The following SAMD5 variants were observed in gnomAD, a reference collection of about 807,000 sequenced individuals.
The protein encoded by SAMD5 is sterile alpha motif domain-containing protein 5.
Under a neutral mutation model 11.3 loss-of-function variants are expected in SAMD5, and 13 were observed. The observed-to-expected ratio is 1.15, with a 90% confidence interval of 0.75 to 1.83. SAMD5 has a LOEUF of 1.83. Ranked by LOEUF, SAMD5 falls within the 40% of genes most tolerant of loss-of-function variation. The probability of loss-of-function intolerance (pLI) is 0.00; values close to 1 mark genes in which losing one functional copy is unlikely to be tolerated. For missense variants in SAMD5, 255 were observed against 239.1 expected (o/e 1.07, Z -0.44); for synonymous variants, 129 against 111.3 (o/e 1.16, Z -1.00).
At chr6:147,915,023 A>C in the SAMD5 span, among the ~76,000 whole-genome samples, 1 of 152,198 alleles carries the variant, frequency 6.6e-6, no homozygotes, top group Non-Finnish European at 1.5e-5. Flanking sequence ...ATGAGAACTA[A>C]TCTCAGTATC....
At chr6:147,819,182 A>C in the SAMD5 span, among the ~76,000 whole-genome samples, 1 of 152,244 alleles carries the variant, frequency 6.6e-6, no homozygotes, top group African/African-American at 2.4e-5. Context: ...TCTCAGGGAC[A>C]TGGATGGAGC....
intron 1 of SAMD5, among the ~76,000 whole-genome samples, chr6:147,624,968 C>T (rs755622922): frequency 5.3e-5 from 8 of 151,974 alleles, no homozygotes; most frequent in Non-Finnish European, 1.2e-4. Flanking sequence ...TTAAAACAAA[C>T]AATAAAATAA....
the SAMD5 span, among the ~76,000 whole-genome samples, chr6:147,766,274 T>A: frequency 2.6e-5 from 4 of 151,934 alleles, no homozygotes; most frequent in South Asian, 6.2e-4. Flanking sequence ...AATGAGAAAA[T>A]TATCAGACAT....
intron 1 of SAMD5, among the ~76,000 whole-genome samples, chr6:147,673,623 T>A (rs1425501584): frequency 6.6e-6 from 1 of 152,140 alleles, no homozygotes; most frequent in Non-Finnish European, 1.5e-5. Flanking sequence ...CCTGGCTTAA[T>A]AAAAGCAAGA....
At chr6:147,892,154 T>G in the SAMD5 span, among the ~76,000 whole-genome samples, 3 of 152,212 alleles carry the variant, frequency 2.0e-5, no homozygotes, top group Non-Finnish European at 4.4e-5. Context: ...CTTGCCTCCT[T>G]GTTTCCTTCT....
the SAMD5 span, among the ~76,000 whole-genome samples, chr6:147,932,611 TGTGTG>T: frequency 6.6e-6 from 1 of 150,408 alleles, no homozygotes; most frequent in African/African-American, 2.4e-5. Context: ...TGTGTGTGTG[TGTGTG>T]TGTGTGTGTG....
chr6:147,596,739 T>G (rs900973940), intron 1 of SAMD5, among the ~76,000 whole-genome samples: 1 of 152,194 alleles, frequency 6.6e-6, no homozygotes, highest in African/African-American at 2.4e-5. Flanking sequence ...TTTTTAAAAT[T>G]TACTTAACAA....
At chr6:147,787,583 A>G in the SAMD5 span, among the ~76,000 whole-genome samples, 3 of 152,162 alleles carry the variant, frequency 2.0e-5, no homozygotes, top group South Asian at 2.1e-4. Context: ...AGGTTTCTCA[A>G]TCTTGTCAGT....
chr6:147,710,361 A>G (rs575286471), intron 1 of SAMD5, among the ~76,000 whole-genome samples: 1 of 152,340 alleles, frequency 6.6e-6, no homozygotes, highest in South Asian at 2.1e-4. Context: ...TGGTCCAAAA[A>G]TATTCAATGG....
chr6:147,717,668 C>T (rs187083819), intron 1 of SAMD5, among the ~76,000 whole-genome samples: 4 of 152,176 alleles, frequency 2.6e-5, no homozygotes, highest in Non-Finnish European at 4.4e-5. Flanking sequence ...GCCAACATGG[C>T]GAAACCCTGT....
chr6:147,616,572 G>A (rs1038004655), intron 1 of SAMD5, among the ~76,000 whole-genome samples: 9 of 152,028 alleles, frequency 5.9e-5, no homozygotes, highest in African/African-American at 2.2e-4. Context: ...GTGATGTTTG[G>A]TTCAGATAAC....
rs576581117 is a variant in SAMD5 at position 147,640,826 on chromosome 6, AT to A, written c.163-96489del. The stretch of plus-strand genomic sequence containing the variant: ...CTTTGCAAGATTGTGCATCAATGCT[AT>A]TGACCTACAAAGTTAGACCTGAGGA... On this transcript the variant is annotated intron_variant, in intron 1 of 1. Coordinates refer to the SAMD5 transcript ENST00000566741. Among the ~76,000 whole-genome samples, 103 of 152,302 alleles carry A rather than the reference AT, an allele frequency of 6.8e-4. 1 individual carries two copies. Among genetic ancestry groups the A allele is most frequent in the African/African-American group, 2.3e-3 (94 of 41,580 alleles).
chr6:147,526,339 G>A (rs1367623280), intron 1 of SAMD5, among the ~76,000 whole-genome samples: 4 of 152,182 alleles, frequency 2.6e-5, no homozygotes, highest in African/African-American at 7.2e-5. Flanking sequence ...GGGGTGATGC[G>A]GGGAATTCAA....
chr6:147,836,856 G>A, the SAMD5 span, among the ~76,000 whole-genome samples: 2 of 152,150 alleles, frequency 1.3e-5, no homozygotes, highest in Non-Finnish European at 2.9e-5. Context: ...TTTGACAAAT[G>A]AGTGAATGGC....
intron 1 of SAMD5, among the ~76,000 whole-genome samples, chr6:147,720,426 G>A (rs1350651921): frequency 2.6e-5 from 4 of 151,180 alleles, no homozygotes; most frequent in Non-Finnish European, 5.9e-5. Context: ...TAGCGCCACT[G>A]CACTCCAGCC....
chr6:147,848,503 G>A, the SAMD5 span, among the ~76,000 whole-genome samples: 1 of 152,130 alleles, frequency 6.6e-6, no homozygotes, highest in Admixed American at 6.5e-5. Flanking sequence ...AGGTGCTCTT[G>A]TTTTCAATAT....
At chr6:147,710,477 G>T (rs1398229917) in intron 1 of SAMD5, among the ~76,000 whole-genome samples, 1 of 152,108 alleles carries the variant, frequency 6.6e-6, no homozygotes, top group Non-Finnish European at 1.5e-5. Flanking sequence ...GATGTGAATC[G>T]TGCCTTTGTC....
intron 1 of SAMD5, among the ~76,000 whole-genome samples, chr6:147,718,981 G>A (rs902616517): frequency 6.6e-6 from 1 of 152,150 alleles, no homozygotes; most frequent in Non-Finnish European, 1.5e-5. Flanking sequence ...GTGAGCCACC[G>A]CGCCCGGCCG....
intron 1 of SAMD5, among the ~76,000 whole-genome samples, chr6:147,708,066 C>G (rs1015898757): frequency 5.3e-5 from 8 of 152,038 alleles, no homozygotes; most frequent in Admixed American, 1.3e-4. Context: ...TGAATTGTGC[C>G]AGATCTCCTT....
Sources: gnomAD v4.1 joint callset for allele counts (sites outside exome capture counted in the v4.1 genomes callset) on GRCh38, gnomAD v4.1.1 for gene constraint, MANE v1.5 for transcripts, NCBI Gene and HGNC (gene_info 2026-07-23, HGNC 2026-07-21) for gene names.